The following DMTN variants were observed in gnomAD, a reference collection of about 807,000 sequenced individuals.
DMTN encodes dematin actin binding protein, also known as dematin.
Under a neutral mutation model 59.4 loss-of-function variants are expected in DMTN, and 27 were observed. The observed-to-expected ratio is 0.45, with a 90% CI of 0.33 to 0.63. The LOEUF is 0.63. Among genes scored for constraint, DMTN ranks in the 20% least tolerant of loss-of-function variants. The pLI is 0.02. For missense variants in DMTN, 451 were observed against 528.9 expected (o/e 0.85, Z 1.45); for synonymous variants, 221 against 203.7 (o/e 1.08, Z -0.72).
At chr8:22,073,898 C>T (rs1817760910) in intron 10 of DMTN, 63 bp downstream of exon 10, 1 of 1,409,770 alleles carries the variant, frequency 7.1e-7, no homozygotes, top group Non-Finnish European at 1.0e-6. Flanking sequence ...CTCTGTGCAT[C>T]TGTTGACTTG....
intron 10 of DMTN, among the ~76,000 whole-genome samples, chr8:22,079,236 C>T (rs1207452556): frequency 3.2e-5 from 4 of 124,032 alleles, no homozygotes; most frequent in Non-Finnish European, 6.8e-5. Flanking sequence ...ATAGTGAGGC[C>T]TGGTTTCTAC....
chr8:22,049,847 T>C (rs1585552997), upstream of DMTN, among the ~76,000 whole-genome samples: 3 of 152,234 alleles, frequency 2.0e-5, no homozygotes, highest in Admixed American at 2.0e-4. Flanking sequence ...ACATCCCTTC[T>C]CCTCTCTGCT....
intron 10 of DMTN, among the ~76,000 whole-genome samples, chr8:22,074,567 G>A (rs1000130844): frequency 5.9e-5 from 9 of 152,294 alleles, no homozygotes; most frequent in East Asian, 1.9e-4. Flanking sequence ...GAATCACCGC[G>A]TCCAGCTTAA....
chr8:22,076,618 C>CTA (rs749317570), intron 10 of DMTN, among the ~76,000 whole-genome samples: 277 of 147,816 alleles, frequency 1.9e-3, no homozygotes, highest in Middle Eastern at 3.6e-3. Context: ...ATATATGTCA[C>CTA]TATATATATA....
chr8:22,071,009 G>A (rs1157739671), intron 8 of DMTN, among the ~76,000 whole-genome samples: 2 of 152,216 alleles, frequency 1.3e-5, no homozygotes, highest in African/African-American at 4.8e-5. Context: ...TCATGAGTGT[G>A]TGTATGTGTG....
rs1053590140 is a variant in DMTN, at chr8:22,060,112, G to A, written c.-172+2976G>A. ...CAGGGGCAGCTGAGCTGTCCCTTCC[G>A]TCACCTGGACCTGCCTTCCTCTGTG... is the stretch of plus-strand genomic sequence containing the variant. On this transcript the variant is annotated intron_variant, in intron 1 of 15. Transcript: ENST00000358242. The surrounding 1 kb of genome is among the most constrained non-coding windows in gnomAD (Gnocchi z 5.0). Among the ~76,000 whole-genome samples, 4 of 152,280 alleles carry A rather than the reference G, an allele frequency of 2.6e-5. No individual in the cohort carries two copies. Among genetic ancestry groups the A allele is most frequent in the East Asian group, 1.9e-4 (1 of 5,180 alleles).
At chr8:22,062,802 A>ATCCC (rs948220192) in intron 1 of DMTN, among the ~76,000 whole-genome samples, 1 of 149,438 alleles carries the variant, frequency 6.7e-6, no homozygotes, top group Non-Finnish European at 1.5e-5. Flanking sequence ...CCCTCCCTCT[A>ATCCC]TCCCTCCCTC....
intron 10 of DMTN, among the ~76,000 whole-genome samples, chr8:22,075,402 G>A (rs975066571): frequency 1.3e-5 from 2 of 151,388 alleles, no homozygotes; most frequent in African/African-American, 4.9e-5. Context: ...AGGCTGGAGT[G>A]CAGTGGCACC....
chr8:22,057,758 C>T (rs1399852790), intron 1 of DMTN: 3 of 152,422 alleles, frequency 2.0e-5, no homozygotes, highest in Non-Finnish European at 2.9e-5. Context: ...ACATGCAGCC[C>T]CCACAGGGTT....
At position 22,081,873 on chromosome 8, in the gene DMTN, G is replaced by A. The variant is rs759350536; in HGVS notation, c.*410G>A. 1.7e-5 allele frequency: 8 copies of A among 460,844 alleles called. No individual in the cohort carries two copies. Among genetic ancestry groups the A allele is most frequent in the East Asian group, 6.8e-5 (1 of 14,628 alleles). 28.5% of individuals were successfully genotyped at this position (460,844 alleles called of 1,614,324 possible). A position where few individuals can be genotyped will look rare whatever the true frequency, so the allele number is the denominator to read the frequency against. ...AGAAAGAGCTCCAGGCTCTTGTGTC[G>A]CCCACCCAGCCCTCCCATACTCACT... On this transcript the variant is annotated 3_prime_UTR_variant, in exon 16 of 16. Coordinates refer to ENST00000358242, the MANE Select transcript of DMTN (RefSeq NM_001387751.1).
chr8:22,051,337 G>A (rs542757779), upstream of DMTN, among the ~76,000 whole-genome samples: 2 of 152,160 alleles, frequency 1.3e-5, no homozygotes, highest in Admixed American at 1.3e-4. Flanking sequence ...GCAGAGGGGA[G>A]CCAAGCAGGT....
intron 1 of DMTN, among the ~76,000 whole-genome samples, chr8:22,062,346 C>T (rs1395922953): frequency 6.6e-6 from 1 of 152,202 alleles, no homozygotes; most frequent in Non-Finnish European, 1.5e-5. Context: ...GATTCTCCCA[C>T]CTCTGCGTCC....
upstream of DMTN, among the ~76,000 whole-genome samples, chr8:22,049,777 C>G (rs1251693512): frequency 6.6e-6 from 1 of 152,178 alleles, no homozygotes; most frequent in Admixed American, 6.5e-5. Flanking sequence ...TTCTCCTCCT[C>G]TCCCTCTTCT....
At position 22,080,864 on chromosome 8, in the gene DMTN, G is replaced by A. The variant is rs1179258536; in HGVS notation, c.1017G>A (p.Glu339=). Residue 339 remains glutamate, a synonymous_variant, in exon 14 of 16, where the codon GAG becomes GAA. Transcript: ENST00000358242. ...DRGNSLPCVL[E]QKIYPYEMLV... The stretch of plus-strand genomic sequence containing the variant: ...GGAACTCCCTGCCCTGTGTGCTGGA[G>A]CAGAAGGTGAGGGGCAGGGGACACA... 1 of 1,574,484 alleles carries A rather than the reference G, an allele frequency of 6.4e-7. No homozygotes were observed. The highest frequency in any genetic ancestry group is 8.6e-7 in the Non-Finnish European group (1 of 1,157,694).
chr8:22,075,668 A>C (rs1352289402), intron 10 of DMTN, among the ~76,000 whole-genome samples: 1 of 151,638 alleles, frequency 6.6e-6, no homozygotes, highest in East Asian at 1.9e-4. Flanking sequence ...ACAGGCACAC[A>C]CCACCATGCC....
intron 14 of DMTN, 45 bp downstream of exon 14, chr8:22,080,915 G>T (rs749000665): frequency 1.3e-6 from 2 of 1,530,268 alleles, no homozygotes; most frequent in Non-Finnish European, 1.8e-6. Flanking sequence ...GCGGGAGGCT[G>T]GGGAGATGCC....
At chr8:22,070,439 G>A (rs1814445968) in intron 8 of DMTN, 105 bp downstream of exon 8, 1 of 1,391,862 alleles carries the variant, frequency 7.2e-7, no homozygotes, top group South Asian at 1.6e-5. Context: ...CCTGCCCTAT[G>A]GTGTCCTCGT....
chr8:22,071,871 C>T (rs1471909520), intron 8 of DMTN, among the ~76,000 whole-genome samples: 1 of 152,080 alleles, frequency 6.6e-6, no homozygotes, highest in East Asian at 1.9e-4. Flanking sequence ...TGAGTCCCCG[C>T]GCCCGGCCTA....
upstream of DMTN, among the ~76,000 whole-genome samples, chr8:22,053,210 G>A (rs1801537035): frequency 6.6e-6 from 1 of 152,214 alleles, no homozygotes; most frequent in Non-Finnish European, 1.5e-5. Flanking sequence ...TGGATCAAAT[G>A]ATGAAGAGTT....
Sources: gnomAD v4.1 joint callset for allele counts (sites outside exome capture counted in the v4.1 genomes callset) on GRCh38, gnomAD v4.1.1 for gene constraint, Gnocchi (gnomAD v3.1) non-coding constraint, MANE v1.5 for transcripts, NCBI Gene and HGNC (gene_info 2026-07-23, HGNC 2026-07-21) for gene names.